Variants in NRP1 observed in about 807,000 individuals in gnomAD.
The protein encoded by NRP1 is neuropilin-1.
A neutral mutation model predicts 106.7 loss-of-function variants in NRP1; 35 were observed. The ratio of observed to expected loss-of-function variants is 0.33; its 90% CI spans 0.25 to 0.43. NRP1 has a LOEUF of 0.43. Among genes scored for constraint, NRP1 ranks in the 20% least tolerant of loss-of-function variants. The pLI is 1.00. For synonymous variants in NRP1, 437 were observed against 417.9 expected, an observed-to-expected ratio of 1.05 and a Z score of -0.56; for missense variants, 1,024 against 1,170.4, an observed-to-expected ratio of 0.87 and a Z score of 1.83.
At position 33,194,852 on chromosome 10, in the gene NRP1, A is replaced by G. The variant is rs549042568; in HGVS notation, c.1925-2434T>C. The G allele has an allele frequency of 3.8e-5, 18 of 469,342 alleles. 1 individual carries two copies. Among genetic ancestry groups the G allele is most frequent in the South Asian group, 2.7e-4 (17 of 63,850 alleles). The allele number at this position is 469,342 out of a possible 1,614,324, so 29.1% of individuals were successfully genotyped here. On this transcript the variant is annotated intron_variant, in intron 12 of 16. Transcript: ENST00000374867. ...GAAAAGAAAGAGAGAAGGACAGAGG[A>G]AAGGAGAAAGGGAGAGAGAAAAGGA...
rs1396290652 is a variant in NRP1, at chr10:33,180,280, G to A, written c.2568C>T (p.Pro856=). The A allele has an allele frequency of 3.7e-6, 6 of 1,613,982 alleles. No individual in the cohort carries two copies. In the South Asian group the frequency reaches 5.5e-5, roughly 15 times the overall value. The change falls in exon 17 of 17, where the codon CCC becomes CCT. Residue 856 remains proline, a synonymous_variant. Transcript: ENST00000374867. ...KPGNVLKTLD[P]ILITIIAMSA... is the part of the protein sequence containing the mutation. ...TCATGGCTATGATGGTGATGAGGATGGGGTCTAAGGTCTTCAACACATTGC... is the reference window on the plus strand; with the variant it reads ...TCATGGCTATGATGGTGATGAGGATAGGGTCTAAGGTCTTCAACACATTGC...
intron 10 of NRP1, 37 bp downstream of exon 10, chr10:33,207,535 A>C (rs1453655386): frequency 1.2e-6 from 2 of 1,610,894 alleles, no homozygotes; most frequent in African/African-American, 2.7e-5. Context: ...AGGAAATTTA[A>C]AAACGCATGA....
chr10:33,297,135 C>T (rs1309411110), intron 2 of NRP1, among the ~76,000 whole-genome samples: 2 of 152,200 alleles, frequency 1.3e-5, no homozygotes, highest in Admixed American at 1.3e-4. Context: ...CATCTCTCTA[C>T]CTGATGCCAC....
At chr10:33,286,375 C>G (rs999262654) in intron 2 of NRP1, among the ~76,000 whole-genome samples, 1 of 152,160 alleles carries the variant, frequency 6.6e-6, no homozygotes, top group Non-Finnish European at 1.5e-5. Context: ...TGTTCTTATC[C>G]CTTGAATGCC....
At chr10:33,198,676 G>T (rs148826798) in intron 11 of NRP1, among the ~76,000 whole-genome samples, 72 of 152,204 alleles carry the variant, frequency 4.7e-4, no homozygotes, top group African/African-American at 1.5e-3. Context: ...CAAGGTTTCA[G>T]GTGTGTGCCT....
intron 13 of NRP1, among the ~76,000 whole-genome samples, chr10:33,190,859 T>G (rs1836358691): frequency 6.6e-6 from 1 of 152,036 alleles, no homozygotes; most frequent in Non-Finnish European, 1.5e-5. Flanking sequence ...TAATTTTTAT[T>G]TTTTTCTCTT....
intron 2 of NRP1, among the ~76,000 whole-genome samples, chr10:33,273,185 A>G (rs1316807400): frequency 6.6e-6 from 1 of 152,160 alleles, no homozygotes; most frequent in Non-Finnish European, 1.5e-5. Context: ...TGAATTATTC[A>G]GGAATACTAT....
intron 2 of NRP1, among the ~76,000 whole-genome samples, chr10:33,287,744 AATGGCATAG>A (rs1300219351): frequency 6.6e-6 from 1 of 152,212 alleles, no homozygotes; most frequent in Non-Finnish European, 1.5e-5. Flanking sequence ...GAGTGGAAGG[AATGGCATAG>A]ACAGAGTCAA....
intron 8 of NRP1, among the ~76,000 whole-genome samples, chr10:33,220,900 C>CAAA (rs35895871): frequency 5.6e-4 from 34 of 60,624 alleles, no homozygotes; most frequent in African/African-American, 1.2e-3. Context: ...GGCTCAGTCT[C>CAAA]AAAAAAAAAA....
chr10:33,189,559 G>C (rs1020309810), intron 13 of NRP1, among the ~76,000 whole-genome samples: 1 of 152,184 alleles, frequency 6.6e-6, no homozygotes, highest in African/African-American at 2.4e-5. Flanking sequence ...GCCCAAGTCA[G>C]CATCTGCCCT....
At chr10:33,243,099 C>T (rs182372869) in intron 6 of NRP1, among the ~76,000 whole-genome samples, 1 of 152,068 alleles carries the variant, frequency 6.6e-6, no homozygotes, top group Admixed American at 6.6e-5. Context: ...CTTATCTCCC[C>T]CTGTGGGCTG....
At position 33,256,360 on chromosome 10, in the gene NRP1, CCTT is replaced by C; in HGVS notation, c.767_769del (p.Glu256del). The C allele has an allele frequency of 6.2e-7, 1 of 1,614,176 alleles. No individual in the cohort carries two copies. The highest frequency in any genetic ancestry group is 8.5e-7 in the Non-Finnish European group (1 of 1,180,026). On this transcript the variant is annotated inframe_deletion, in exon 5 of 17. Transcript: ENST00000374867. ...CAAGACACTGTAGTTTGCTGAGAAA[CCTT>C]CTTTTGCTATCGCGCTGTCGGTGTA...
intron 2 of NRP1, among the ~76,000 whole-genome samples, chr10:33,309,521 A>G (rs184187527): frequency 2.6e-5 from 4 of 152,336 alleles, no homozygotes; most frequent in African/African-American, 9.6e-5. Flanking sequence ...TGCTGCCTCA[A>G]GGGTCCTGGT....
At chr10:33,277,088 G>A (rs886857934) in intron 2 of NRP1, among the ~76,000 whole-genome samples, 14 of 143,214 alleles carry the variant, frequency 9.8e-5, no homozygotes, top group Non-Finnish European at 1.8e-4. Flanking sequence ...CTGGGTAACA[G>A]ATCAAGACCC....
intron 2 of NRP1, among the ~76,000 whole-genome samples, chr10:33,288,904 A>G (rs2132612759): frequency 6.6e-6 from 1 of 152,200 alleles, no homozygotes; most frequent in South Asian, 2.1e-4. Flanking sequence ...TGTGTGCCTT[A>G]TTTACTTCCC....
chr10:33,300,537 C>A lies in NRP1; in HGVS notation c.249-29681G>T, dbSNP rs1331324. Among the ~76,000 whole-genome samples, 86 of 152,002 alleles carry A rather than the reference C, an allele frequency of 5.7e-4. No individual in the cohort carries two copies. In the East Asian group the frequency reaches 0.015, roughly 26 times the overall value. ...GTTCCTGAGTGTGTGCACATCTCAA[C>A]CCCCAATGCTGGTGGGAAAGGAAAA... On this transcript the variant is annotated intron_variant, in intron 2 of 16. Transcript: ENST00000374867.
chr10:33,284,464 A>G (rs563373839), intron 2 of NRP1, among the ~76,000 whole-genome samples: 104 of 152,334 alleles, frequency 6.8e-4, no homozygotes, highest in African/African-American at 2.4e-3. Context: ...AATGTACAAT[A>G]AAACAGGCCT....
At chr10:33,195,606 G>A (rs80307505) in intron 12 of NRP1, 1 of 532,856 alleles carries the variant, frequency 1.9e-6, no homozygotes, top group Non-Finnish European at 3.8e-6. Flanking sequence ...AAAGTATCAG[G>A]TGACTCAGGC....
At chr10:33,277,938 C>T (rs142289591) in intron 2 of NRP1, among the ~76,000 whole-genome samples, 7 of 152,144 alleles carry the variant, frequency 4.6e-5, no homozygotes, top group African/African-American at 1.7e-4. Flanking sequence ...GATTGTGAGA[C>T]ATATGTCTTT....
Sources: gnomAD v4.1 joint callset for allele counts (sites outside exome capture counted in the v4.1 genomes callset) on GRCh38, gnomAD v4.1.1 for gene constraint, MANE v1.5 for transcripts, NCBI Gene and HGNC (gene_info 2026-07-23, HGNC 2026-07-21) for gene names.